The following TRDN variants were observed in gnomAD, a reference collection of about 807,000 sequenced individuals.
TRDN encodes the protein triadin in skeletal muscle.
A neutral mutation model predicts 149.7 loss-of-function variants in TRDN; 161 were observed. That is an observed-to-expected ratio of 1.08 (90% CI 0.95 to 1.23). The LOEUF (loss-of-function observed/expected upper bound fraction) is 1.23. Ranked by LOEUF, TRDN falls within the 50% of genes most tolerant of loss-of-function variation. The probability of loss-of-function intolerance (pLI) is 0.00; values close to 1 mark genes in which losing one functional copy is unlikely to be tolerated. For missense variants in TRDN, 896 were observed against 823.5 expected (o/e 1.09, Z -1.08); for synonymous variants, 294 against 250.5 (o/e 1.17, Z -1.64).
In TRDN at chr6:123,319,605, C is replaced by T. The variant is rs565725891; in HGVS notation, c.1472-3110G>A. ...ACTGGGAGGCCAGAGAGACAGCAGG[C>T]GAGCATTTATTTTTCATTCTGTCTT... On this transcript the variant is annotated intron_variant, in intron 23 of 40. Transcript: ENST00000334268. 5.9e-5 allele frequency among the ~76,000 whole-genome samples: 9 copies of T among 152,110 alleles called. No individual in the cohort carries two copies. In the East Asian group the frequency reaches 1.4e-3, roughly 23 times the overall value.
At chr6:123,577,865 A>G (rs1562401220) in intron 1 of TRDN, among the ~76,000 whole-genome samples, 1 of 152,024 alleles carries the variant, frequency 6.6e-6, no homozygotes, top group Non-Finnish European at 1.5e-5. Context: ...TGTAGTTTTC[A>G]TTTGCATTTC....
intron 38 of TRDN, among the ~76,000 whole-genome samples, chr6:123,249,443 G>C (rs1355141592): frequency 6.6e-6 from 1 of 151,910 alleles, no homozygotes; most frequent in Non-Finnish European, 1.5e-5. Flanking sequence ...CTACCCAAAG[G>C]AAAATAAATA....
chr6:123,345,829 T>A (rs1219332551), intron 21 of TRDN, among the ~76,000 whole-genome samples: 1 of 152,098 alleles, frequency 6.6e-6, no homozygotes, highest in African/African-American at 2.4e-5. Context: ...GTTGTGTTTT[T>A]AATCTTGTTC....
chr6:123,503,080 G>A (rs1778768521), intron 8 of TRDN: 7 of 985,328 alleles, frequency 7.1e-6, no homozygotes, highest in Non-Finnish European at 8.4e-6. Flanking sequence ...GGGGATGTAA[G>A]TTTGACATCA....
intron 24 of TRDN, among the ~76,000 whole-genome samples, chr6:123,287,089 G>GA (rs964313090): frequency 6.6e-6 from 1 of 152,136 alleles, no homozygotes; most frequent in African/African-American, 2.4e-5. Context: ...AAGAAGCACA[G>GA]AAAGAGTGCA....
At chr6:123,467,747 T>C (rs1311274944) in intron 9 of TRDN, among the ~76,000 whole-genome samples, 1 of 152,128 alleles carries the variant, frequency 6.6e-6, no homozygotes, top group African/African-American at 2.4e-5. Flanking sequence ...AAATCACAAA[T>C]CGTTTTGTTA....
chr6:123,258,444 T>C (rs1317994221), intron 35 of TRDN, among the ~76,000 whole-genome samples: 1 of 152,170 alleles, frequency 6.6e-6, no homozygotes, highest in South Asian at 2.1e-4. Flanking sequence ...CATTTATTGA[T>C]ATGTGTAGGT....
chr6:123,499,719 A>AAAAAAAAAAAAAAAAAAAT, intron 8 of TRDN, among the ~76,000 whole-genome samples: 3 of 47,680 alleles, frequency 6.3e-5, no homozygotes, highest in Non-Finnish European at 9.0e-5. Context: ...AAAAAAAAAA[A>AAAAAAAAAAAAAAAAAAAT]ATATATATAT....
intron 2 of TRDN, among the ~76,000 whole-genome samples, chr6:123,563,004 C>T (rs1435805139): frequency 1.3e-5 from 2 of 152,222 alleles, no homozygotes; most frequent in Non-Finnish European, 2.9e-5. Context: ...TTTTTCCACA[C>T]TCATCTTTAC....
At position 123,511,639 on chromosome 6, in the gene TRDN, C is replaced by A. The variant is rs564192993; in HGVS notation, c.610+664G>T. Reference sequence around the variant, plus strand: ...AAACAAACTTAGCCACTTAAAATAACACCCATTTATTATCTTCCAGTTTTT... The same window carrying A: ...AAACAAACTTAGCCACTTAAAATAAAACCCATTTATTATCTTCCAGTTTTT... On this transcript the variant is annotated intron_variant, in intron 7 of 40. Coordinates refer to ENST00000334268, the MANE Select transcript of TRDN (RefSeq NM_006073.4). Among the ~76,000 whole-genome samples, 32 of 152,174 alleles carry A rather than the reference C, an allele frequency of 2.1e-4. 2 individuals carry two copies. The South Asian group carries it at 6.2e-3, about 30-fold the overall frequency.
intron 4 of TRDN, among the ~76,000 whole-genome samples, chr6:123,538,183 C>G (rs554626472): frequency 1.1e-4 from 17 of 151,978 alleles, no homozygotes; most frequent in Admixed American, 6.6e-4. Context: ...CTCACAAGCA[C>G]CAGATAAAAT....
rs189617677 is a variant in TRDN, at chr6:123,503,465, C to T, written c.793+254G>A. 357 of 985,060 alleles carry T rather than the reference C, an allele frequency of 3.6e-4. 1 individual carries two copies. The African/African-American group carries it at 5.5e-3, about 15-fold the overall frequency. 61.0% of individuals were successfully genotyped at this position (985,060 alleles called of 1,614,324 possible). On this transcript the variant is annotated intron_variant, in intron 8 of 40. Coordinates refer to ENST00000334268, the MANE Select transcript of TRDN (RefSeq NM_006073.4). ...TTTATCCCCAATCTTTATATGATTT[C>T]GGATGCTACCTCCAAACCCCTTTTA...
chr6:123,278,297 GTA>G lies in TRDN; in HGVS notation c.1567+19_1567+20del, dbSNP rs1777450128. 1.6e-6 allele frequency: 2 copies of G among 1,268,390 alleles called. No individual in the cohort carries two copies. The highest frequency in any genetic ancestry group is 3.1e-5 in the African/African-American group (2 of 64,838). The allele number at this position is 1,268,390 out of a possible 1,614,324, so 78.6% of individuals were successfully genotyped here. On this transcript the variant is annotated intron_variant, in intron 26 of 40. Coordinates refer to ENST00000334268, the MANE Select transcript of TRDN (RefSeq NM_006073.4). ...TTCTAAACATGGAAATCATATATGTGTATAAATAAAATATACATACCTGGCTT... is the reference window on the plus strand; with the variant it reads ...TTCTAAACATGGAAATCATATATGTGTAAATAAAATATACATACCTGGCTT...
chr6:123,389,184 G>A (rs1242631391), intron 13 of TRDN, among the ~76,000 whole-genome samples: 1 of 152,066 alleles, frequency 6.6e-6, no homozygotes, highest in Non-Finnish European at 1.5e-5. Context: ...CTGGATCCAC[G>A]TTGTTGCTTA....
intron 1 of TRDN, among the ~76,000 whole-genome samples, chr6:123,615,444 G>A (rs1010189877): frequency 2.6e-5 from 4 of 151,972 alleles, no homozygotes; most frequent in Non-Finnish European, 4.4e-5. Flanking sequence ...TGGTGTATGC[G>A]TCTGTGTGTG....
intron 8 of TRDN, 174 bp downstream of exon 8, chr6:123,503,545 A>C (rs930892063): frequency 7.0e-7 from 1 of 1,423,808 alleles, no homozygotes; most frequent in Non-Finnish European, 9.1e-7. Context: ...TATTTTTATA[A>C]ATAAATATTA....
chr6:123,519,937 G>A (rs1281765467), intron 5 of TRDN, among the ~76,000 whole-genome samples: 4 of 151,916 alleles, frequency 2.6e-5, no homozygotes, highest in African/African-American at 7.3e-5. Flanking sequence ...ATTTCAAACA[G>A]CTTCATAAAA....
At chr6:123,450,344 C>A (rs1036308259) in intron 10 of TRDN, among the ~76,000 whole-genome samples, 1 of 152,002 alleles carries the variant, frequency 6.6e-6, no homozygotes, top group African/African-American at 2.4e-5. Flanking sequence ...AGGAGACTCA[C>A]CTAAGACTTA....
intron 24 of TRDN, among the ~76,000 whole-genome samples, chr6:123,288,882 G>A (rs2195727): frequency 4.0e-5 from 6 of 151,510 alleles, no homozygotes; most frequent in Admixed American, 6.6e-5. Flanking sequence ...GCAATTTCAC[G>A]TCTGTTATAT....
Sources: gnomAD v4.1 joint callset for allele counts (sites outside exome capture counted in the v4.1 genomes callset) on GRCh38, gnomAD v4.1.1 for gene constraint, MANE v1.5 for transcripts, NCBI Gene and HGNC (gene_info 2026-07-23, HGNC 2026-07-21) for gene names.